Variants in KIF17 observed in about 807,000 individuals in gnomAD.
KIF17 encodes kinesin-like protein KIF17.
In KIF17, 80 loss-of-function variants were observed where a neutral mutation model predicts 96.8. The ratio of observed to expected loss-of-function variants is 0.83; its 90% CI spans 0.69 to 1.00. KIF17 has a LOEUF of 1.00. KIF17 is among the 50% of genes least tolerant of loss of function. KIF17 has a pLI of 0.00. For missense variants in KIF17, 1,280 were observed against 1,372.9 expected (o/e 0.93, Z 1.07); for synonymous variants, 567 against 587.5 (o/e 0.97, Z 0.51).
intron 11 of KIF17, among the ~76,000 whole-genome samples, chr1:20,674,086 G>A (rs1269135071): frequency 6.6e-6 from 1 of 151,296 alleles, no homozygotes; most frequent in South Asian, 2.1e-4. Flanking sequence ...GAGCCACCAC[G>A]CCTAGCTAAT....
chr1:20,689,559 G>A (rs553243402), intron 7 of KIF17, among the ~76,000 whole-genome samples: 10 of 152,110 alleles, frequency 6.6e-5, no homozygotes, highest in African/African-American at 1.7e-4. Context: ...ACTGAGGCAC[G>A]AGAATTGCTT....
intron 5 of KIF17, among the ~76,000 whole-genome samples, chr1:20,703,180 T>TGGATGGACGGATGGACGGATGGATGGAC (rs371412246): frequency 6.7e-6 from 1 of 149,872 alleles, no homozygotes; most frequent in South Asian, 2.1e-4. Context: ...GATGGATGAA[T>TGGATGGACGGATGGACGGATGGATGGAC]GGATGGACGG....
intron 13 of KIF17, among the ~76,000 whole-genome samples, chr1:20,667,092 A>G (rs536860220): frequency 4.6e-5 from 7 of 152,308 alleles, no homozygotes; most frequent in African/African-American, 1.4e-4. Context: ...CCCCCAGGCC[A>G]TGGACTGGTA....
intron 5 of KIF17, among the ~76,000 whole-genome samples, chr1:20,698,945 ATTT>A (rs553873670): frequency 1.7e-3 from 252 of 152,114 alleles, no homozygotes; most frequent in Non-Finnish European, 2.9e-3. Context: ...AAGGGTTGCA[ATTT>A]TTTTACTTAT....
At position 20,685,083 on chromosome 1, in the gene KIF17, C is replaced by A; in HGVS notation, c.2020-63G>T. ...CCGCCCCAACCCCCGCCGACAGCTC[C>A]CAGGTGGCTCAATCCCAGACGGGGC... On this transcript the variant is annotated intron_variant, in intron 9 of 14. Coordinates refer to ENST00000400463, the MANE Select transcript of KIF17 (RefSeq NM_001122819.3). This position sits in a 1 kb window ranked among gnomAD's most constrained non-coding sequence, Gnocchi z 4.1. 7.3e-7 allele frequency: 1 copy of A among 1,369,464 alleles called. No homozygotes were observed. The highest frequency in any genetic ancestry group is 1.4e-5 in the African/African-American group (1 of 69,330). The allele number at this position is 1,369,464 out of a possible 1,614,324, so 84.8% of individuals were successfully genotyped here.
Position 20,672,096 on chromosome 1 carries a change from A to C in KIF17, c.2564T>G (p.Met855Arg). ...CTGCTCCAGGAGCTGCTGCAAGAGC[A>C]TGGAGTCACGCTCCTGCCGGCGGAT... ...ATIRRQERDS[M>R]LLQQLLEQVQ... The change falls in exon 12 of 15, where the codon ATG (methionine) becomes AGG (arginine). Residue 855 changes from methionine to arginine, a missense_variant. Coordinates refer to ENST00000400463, the MANE Select transcript of KIF17 (RefSeq NM_001122819.3). The surrounding 1 kb of genome is among the most constrained non-coding windows in gnomAD (Gnocchi z 4.3). 1.2e-6 allele frequency: 2 copies of C among 1,614,208 alleles called. No homozygotes were observed. The highest frequency in any genetic ancestry group is 2.7e-5 in the African/African-American group (2 of 75,050).
At chr1:20,670,569 G>T in intron 12 of KIF17, 81 bp from the exon 13 acceptor site, 1 of 1,365,676 alleles carries the variant, frequency 7.3e-7, no homozygotes, top group Non-Finnish European at 1.0e-6. Flanking sequence ...GTGGGGGTCA[G>T]GCCTGGCTCA....
chr1:20,704,248 GC>G lies in KIF17; in HGVS notation c.1123+198del, dbSNP rs903855879. ...TCAGATGGGACAGGCCAGACGGACTGCCCTCCTCCCAGGACACTGACAAGCA... is the reference window on the plus strand; with the variant it reads ...TCAGATGGGACAGGCCAGACGGACTGCCTCCTCCCAGGACACTGACAAGCA... On this transcript the variant is annotated intron_variant, in intron 5 of 14. Coordinates refer to ENST00000400463, the MANE Select transcript of KIF17 (RefSeq NM_001122819.3). This position sits in a 1 kb window ranked among gnomAD's most constrained non-coding sequence, Gnocchi z 6.8. Among the ~76,000 whole-genome samples, 4 of 152,266 alleles carry G rather than the reference GC, an allele frequency of 2.6e-5. No individual in the cohort carries two copies. The highest frequency in any genetic ancestry group is 5.9e-5 in the Non-Finnish European group (4 of 68,010).
chr1:20,704,934 G>C lies in KIF17; in HGVS notation c.671-35C>G. The C allele has an allele frequency of 6.3e-7, 1 of 1,575,350 alleles. No individual in the cohort carries two copies. Among genetic ancestry groups the C allele is most frequent in the East Asian group, 2.2e-5 (1 of 44,730 alleles). ...GACCAGGCAAAGTGGCGAGGGCCTC[G>C]GGTGAGCCCTATGTATCGAGGGCAA... On this transcript the variant is annotated intron_variant, in intron 4 of 14. Transcript: ENST00000400463. The surrounding 1 kb of genome is among the most constrained non-coding windows in gnomAD (Gnocchi z 6.8).
At chr1:20,681,676 C>T (rs1211196426) in intron 11 of KIF17, among the ~76,000 whole-genome samples, 1 of 152,154 alleles carries the variant, frequency 6.6e-6, no homozygotes, top group African/African-American at 2.4e-5. Context: ...ATCACGCTCT[C>T]CCTGACTCAG....
intron 6 of KIF17, among the ~76,000 whole-genome samples, chr1:20,697,071 T>A (rs895739912): frequency 6.6e-5 from 10 of 152,150 alleles, no homozygotes; most frequent in Admixed American, 6.5e-4. Context: ...GGCTCTTGGA[T>A]GGATTTCTCC....
At chr1:20,682,953 G>A in intron 10 of KIF17, 69 bp from the exon 11 acceptor site, 1 of 1,416,788 alleles carries the variant, frequency 7.1e-7, no homozygotes, top group East Asian at 2.3e-5. Context: ...CATCCAGCAG[G>A]CTCCAGGCTA....
Position 20,685,130 on chromosome 1 carries a change from G to A in KIF17, c.2020-110C>T, listed in dbSNP as rs570421559. On this transcript the variant is annotated intron_variant, in intron 9 of 14. Transcript: ENST00000400463. This position sits in a 1 kb window ranked among gnomAD's most constrained non-coding sequence, Gnocchi z 4.1. ...GGGCCATTCCGCCTGCTGCAGCCCC[G>A]ACAGATCACCTCCAGCTCAGGGACA... The A allele has an allele frequency of 1.2e-4, 101 of 809,544 alleles. 1 individual carries two copies. Among genetic ancestry groups the A allele is most frequent in the South Asian group, 8.3e-4 (57 of 68,306 alleles). The allele number at this position is 809,544 out of a possible 1,614,324, so 50.1% of individuals were successfully genotyped here.
chr1:20,702,048 C>T (rs1016888653), intron 5 of KIF17, among the ~76,000 whole-genome samples: 6 of 152,286 alleles, frequency 3.9e-5, no homozygotes, highest in East Asian at 3.9e-4. Context: ...AAGTGAAGGC[C>T]GCATGCATTG....
At chr1:20,717,025 T>C (rs114984808) in intron 1 of KIF17, among the ~76,000 whole-genome samples, 2,309 of 152,272 alleles carry the variant, frequency 0.015, 60 homozygotes, top group African/African-American at 0.052. Context: ...GTGCCCCATC[T>C]TGCCAGTGAG....
chr1:20,705,482 G>C (rs536972501), intron 4 of KIF17, among the ~76,000 whole-genome samples: 1 of 152,292 alleles, frequency 6.6e-6, no homozygotes, highest in Non-Finnish European at 1.5e-5. Context: ...GCAGATGTTA[G>C]AAGCCACATT....
chr1:20,711,415 A>C (rs1297804679), intron 3 of KIF17, among the ~76,000 whole-genome samples: 5 of 152,182 alleles, frequency 3.3e-5, no homozygotes, highest in Admixed American at 3.3e-4. Flanking sequence ...GCTGAGTGAC[A>C]GCCCTCAGCC....
At chr1:20,662,800 T>C (rs75020829), downstream of KIF17, among the ~76,000 whole-genome samples, 37 of 152,318 alleles carry the variant, frequency 2.4e-4, no homozygotes, top group East Asian at 6.9e-3. Context: ...CTCCTGCCTT[T>C]TGCTTTGCAG....
Position 20,709,679 on chromosome 1 carries a change from C to T in KIF17, c.630G>A (p.Ser210=), listed in dbSNP as rs767988905. 1.4e-5 allele frequency: 22 copies of T among 1,614,000 alleles called. No individual in the cohort carries two copies. The highest frequency in any genetic ancestry group is 2.2e-5 in the East Asian group (1 of 44,894). Reference sequence around the variant, plus strand: ...CGATGCTGATGGTGAAGATGGAGTGCGAGCGTGAGGAATCCTTGTTCATCA... The same window carrying T: ...CGATGCTGATGGTGAAGATGGAGTGTGAGCGTGAGGAATCCTTGTTCATCA... ...YTLMNKDSSR[S]HSIFTISIEM... The change falls in exon 4 of 15, where the codon TCG becomes TCA. Residue 210 remains serine (S), a synonymous_variant. Coordinates refer to ENST00000400463, the MANE Select transcript of KIF17 (RefSeq NM_001122819.3). This position sits in a 1 kb window ranked among gnomAD's most constrained non-coding sequence, Gnocchi z 4.7.
Sources: allele counts gnomAD v4.1 joint callset (sites outside exome capture counted in the v4.1 genomes callset), GRCh38; gene constraint gnomAD v4.1.1; non-coding constraint Gnocchi (gnomAD v3.1); transcripts MANE v1.5; gene names NCBI Gene and HGNC (gene_info 2026-07-23, HGNC 2026-07-21).